Variants in UNC13C observed in about 807,000 individuals in gnomAD.
UNC13C encodes unc-13 homolog C, also known as protein unc-13 homolog C.
In UNC13C, 174 loss-of-function variants were observed where a neutral mutation model predicts 245.4. That is an observed-to-expected ratio of 0.71 (90% CI 0.63 to 0.80). The LOEUF (loss-of-function observed/expected upper bound fraction) is 0.80. UNC13C is among the 30% of genes least tolerant of loss of function. The pLI is 0.00. For synonymous variants in UNC13C, 992 were observed against 895.1 expected, an observed-to-expected ratio of 1.11 and a Z score of -1.93; for missense variants, 2,829 against 2,602.9, an observed-to-expected ratio of 1.09 and a Z score of -1.89.
At chr15:53,880,096 C>T in the UNC13C span, among the ~76,000 whole-genome samples, 1 of 151,972 alleles carries the variant, frequency 6.6e-6, no homozygotes, top group African/African-American at 2.4e-5. Flanking sequence ...ACTATCATGT[C>T]CATTTTTACA....
intron 2 of UNC13C, among the ~76,000 whole-genome samples, chr15:54,046,320 C>G (rs887000720): frequency 3.9e-5 from 6 of 152,034 alleles, no homozygotes; most frequent in African/African-American, 1.4e-4. Context: ...CAATTATTCT[C>G]CATAGGGATT....
At chr15:54,199,110 G>A (rs2034446175) in intron 4 of UNC13C, among the ~76,000 whole-genome samples, 1 of 151,944 alleles carries the variant, frequency 6.6e-6, no homozygotes, top group Non-Finnish European at 1.5e-5. Context: ...TCGAAGACAG[G>A]CTTTCCGAGT....
At chr15:54,425,326 G>T (rs372111862) in intron 19 of UNC13C, among the ~76,000 whole-genome samples, 1 of 151,660 alleles carries the variant, frequency 6.6e-6, no homozygotes, top group East Asian at 1.9e-4. Context: ...ACTGGACCTG[G>T]GGCTACAAGA....
At chr15:54,510,325 A>G (rs495769) in intron 23 of UNC13C, among the ~76,000 whole-genome samples, 104,648 of 151,962 alleles carry the variant, frequency 0.69, 36,973 homozygotes, top group African/African-American at 0.85. Context: ...CTACCTCCTA[A>G]TGAAAAGATA....
intron 7 of UNC13C, among the ~76,000 whole-genome samples, chr15:54,247,724 A>C (rs541429810): frequency 6.6e-6 from 1 of 150,808 alleles, no homozygotes; most frequent in Non-Finnish European, 1.5e-5. Context: ...TCAGTGCCCC[A>C]TTCAATTGCT....
rs374779285 is a variant in UNC13C, at chr15:54,598,114, T to C, written c.6107-24213T>C. ...TTAACCTCTAAGGTCCTTTATTTTGTTTTTGAGATGGAGTCTCGCTTTGTC... is the reference window on the plus strand; with the variant it reads ...TTAACCTCTAAGGTCCTTTATTTTGCTTTTGAGATGGAGTCTCGCTTTGTC... On this transcript the variant is annotated intron_variant, in intron 30 of 32. Transcript: ENST00000260323. Among the ~76,000 whole-genome samples the C allele has an allele frequency of 2.5e-3, 380 of 152,298 alleles. 11 individuals carry two copies. The South Asian group carries it at 0.044, about 18-fold the overall frequency.
intron 2 of UNC13C, among the ~76,000 whole-genome samples, chr15:54,045,439 C>A (rs772559199): frequency 6.6e-6 from 1 of 151,976 alleles, no homozygotes; most frequent in Non-Finnish European, 1.5e-5. Flanking sequence ...AATACAATTG[C>A]TCTCTTCAGT....
intron 2 of UNC13C, among the ~76,000 whole-genome samples, chr15:54,111,295 C>T (rs1477346557): frequency 1.3e-5 from 2 of 152,174 alleles, no homozygotes; most frequent in Non-Finnish European, 2.9e-5. Context: ...AACTATGTGA[C>T]CTTGGTAGAA....
At chr15:54,285,824 AT>A (rs34104065) in intron 10 of UNC13C, among the ~76,000 whole-genome samples, 16,948 of 151,508 alleles carry the variant, frequency 0.11, 1,207 homozygotes, top group Non-Finnish European at 0.15. Context: ...ATGAATATAT[AT>A]TTTTATATAC....
intron 26 of UNC13C, among the ~76,000 whole-genome samples, chr15:54,541,153 TA>T (rs1487100544): frequency 6.6e-6 from 1 of 152,122 alleles, no homozygotes; most frequent in East Asian, 1.9e-4. Flanking sequence ...CACATATTTT[TA>T]TATATTGGGC....
intron 19 of UNC13C, among the ~76,000 whole-genome samples, chr15:54,469,368 C>T (rs1458511827): frequency 6.6e-6 from 1 of 151,436 alleles, no homozygotes; most frequent in African/African-American, 2.4e-5. Flanking sequence ...ATCATGCCAT[C>T]AGCAAGCAGA....
chr15:54,320,177 T>C (rs1033343115), intron 13 of UNC13C, among the ~76,000 whole-genome samples: 7 of 152,098 alleles, frequency 4.6e-5, no homozygotes, highest in African/African-American at 1.4e-4. Flanking sequence ...CTTGCTACTT[T>C]ACAACTGTGA....
intron 2 of UNC13C, among the ~76,000 whole-genome samples, chr15:54,019,944 T>C (rs1895820596): frequency 6.6e-6 from 1 of 152,224 alleles, no homozygotes; most frequent in Non-Finnish European, 1.5e-5. Flanking sequence ...CATATGCCTT[T>C]AAATTACACG....
At chr15:53,899,543 G>C in the UNC13C span, among the ~76,000 whole-genome samples, 1 of 152,084 alleles carries the variant, frequency 6.6e-6, no homozygotes, top group Admixed American at 6.6e-5. Context: ...AAACTTTTTA[G>C]TCACTGTTCA....
At chr15:54,456,677 C>A (rs1449749848) in intron 19 of UNC13C, among the ~76,000 whole-genome samples, 1 of 151,306 alleles carries the variant, frequency 6.6e-6, no homozygotes, top group Non-Finnish European at 1.5e-5. Flanking sequence ...TGATTCTCAT[C>A]TTGGTCACTA....
chr15:53,844,886 A>C, the UNC13C span, among the ~76,000 whole-genome samples: 1 of 152,112 alleles, frequency 6.6e-6, no homozygotes, highest in African/African-American at 2.4e-5. Flanking sequence ...ACAAGGAGAG[A>C]GTGTTTGTCA....
chr15:54,165,169 T>G (rs1019896814), intron 4 of UNC13C, among the ~76,000 whole-genome samples: 1 of 152,134 alleles, frequency 6.6e-6, no homozygotes, highest in Non-Finnish European at 1.5e-5. Flanking sequence ...TTGAATGCTC[T>G]CCCAGAAATA....
intron 19 of UNC13C, among the ~76,000 whole-genome samples, chr15:54,471,251 A>G (rs1892447752): frequency 6.6e-6 from 1 of 151,236 alleles, no homozygotes; most frequent in Non-Finnish European, 1.5e-5. Context: ...TTTTTAGTTG[A>G]TTTCTCTATT....
At chr15:53,881,049 C>T in the UNC13C span, among the ~76,000 whole-genome samples, 1 of 152,062 alleles carries the variant, frequency 6.6e-6, no homozygotes, top group Non-Finnish European at 1.5e-5. Context: ...ACAGTCTGAG[C>T]CAAGTTTTCA....
Sources: allele counts gnomAD v4.1 joint callset (sites outside exome capture counted in the v4.1 genomes callset), GRCh38; gene constraint gnomAD v4.1.1; transcripts MANE v1.5; gene names NCBI Gene and HGNC (gene_info 2026-07-23, HGNC 2026-07-21).